SORCS2: variants seen among roughly 807,000 people sequenced by gnomAD.
SORCS2 encodes sortilin related VPS10 domain containing receptor 2.
In SORCS2, 100 loss-of-function variants were observed where a neutral mutation model predicts 141.6. That is an observed-to-expected ratio of 0.71 (90% CI 0.60 to 0.83). The LOEUF (loss-of-function observed/expected upper bound fraction) is 0.83, where lower values mean the gene tolerates loss of function less well. SORCS2 is among the 40% of genes least tolerant of loss of function. SORCS2 has a pLI of 0.00. For missense variants in SORCS2, 1,646 were observed against 1,560.2 expected, an observed-to-expected ratio of 1.05 and a Z score of -0.93; for synonymous variants, 789 against 676.9, an observed-to-expected ratio of 1.17 and a Z score of -2.57.
intron 2 of SORCS2, among the ~76,000 whole-genome samples, chr4:7,511,362 A>C (rs1270628230): frequency 1.8e-5 from 2 of 108,642 alleles, no homozygotes; most frequent in African/African-American, 5.7e-5. Flanking sequence ...AGAGAGAGAG[A>C]GAGTGAGAGG....
chr4:7,718,025 G>T lies in SORCS2; in HGVS notation c.2266G>T (p.Val756Leu). ...YTSSLGYRKV[V>L]SNVCEGGVDM... is the part of the protein sequence containing the mutation. ...TTGTCAATCCAGGTACCGGAAAGTG[G>T]TGTCCAACGTGTGTGAGGGTGGGGT... is the stretch of plus-strand genomic sequence containing the variant. The change falls in exon 18 of 27, where the codon GTG becomes TTG. Residue 756 changes from valine (V) to leucine (L), a missense_variant. Physicochemically the swap from Val to Leu is conservative, Grantham distance 32. Transcript: ENST00000507866. 3.7e-6 allele frequency: 6 copies of T among 1,605,390 alleles called. No homozygotes were observed. The highest frequency in any genetic ancestry group is 1.1e-5 in the South Asian group (1 of 89,664).
At chr4:7,269,127 C>T (rs1714940942) in intron 1 of SORCS2, among the ~76,000 whole-genome samples, 1 of 152,186 alleles carries the variant, frequency 6.6e-6, no homozygotes, top group South Asian at 2.1e-4. Flanking sequence ...CTGCCAGGCC[C>T]TGTGCTGTGC....
intron 1 of SORCS2, among the ~76,000 whole-genome samples, chr4:7,369,319 A>G (rs1722104388): frequency 6.6e-6 from 1 of 152,142 alleles, no homozygotes; most frequent in South Asian, 2.1e-4. Context: ...TGAAAACCAA[A>G]CCAAACCAAA....
At chr4:7,267,652 A>G (rs4689672) in intron 1 of SORCS2, among the ~76,000 whole-genome samples, 18,990 of 152,166 alleles carry the variant, frequency 0.12, 1,949 homozygotes, top group East Asian at 0.43. Flanking sequence ...CTAACATGGT[A>G]AAACCCCGTC....
chr4:7,389,406 C>T (rs565782062), intron 1 of SORCS2, among the ~76,000 whole-genome samples: 19 of 152,266 alleles, frequency 1.2e-4, no homozygotes, highest in African/African-American at 2.4e-4. Context: ...GGCCACTGCC[C>T]GTGGGCCCCA....
At chr4:7,506,017 G>A (rs1231435434) in intron 2 of SORCS2, among the ~76,000 whole-genome samples, 1 of 152,124 alleles carries the variant, frequency 6.6e-6, no homozygotes, top group Non-Finnish European at 1.5e-5. Context: ...ACGCATAGCC[G>A]TGCAGTAGCC....
chr4:7,320,138 A>T (rs34095119), intron 1 of SORCS2, among the ~76,000 whole-genome samples: 53,640 of 151,852 alleles, frequency 0.35, 9,817 homozygotes, highest in African/African-American at 0.44. Context: ...CTTTGTCTCT[A>T]CAAAAAAAAT....
At chr4:7,460,066 C>T (rs919616898) in intron 2 of SORCS2, 6 of 146,364 alleles carry the variant, frequency 4.1e-5, no homozygotes, top group Middle Eastern at 1.0e-3. Flanking sequence ...CGGGGCCTGG[C>T]GCTCCTCTAC....
At chr4:7,279,036 C>G (rs1715692449) in intron 1 of SORCS2, among the ~76,000 whole-genome samples, 2 of 152,094 alleles carry the variant, frequency 1.3e-5, no homozygotes, top group Non-Finnish European at 2.9e-5. Context: ...AAACGAATAC[C>G]CCACCCACCA....
In SORCS2 at chr4:7,584,061, C is replaced by T. The variant is rs538965571; in HGVS notation, c.648+52432C>T. The stretch of plus-strand genomic sequence containing the variant: ...AGATGATGCATGTGACTGTGTCTTG[C>T]GGACACTAACATAAGGTTTTATATG... On this transcript the variant is annotated intron_variant, in intron 3 of 26. Coordinates refer to ENST00000507866, the MANE Select transcript of SORCS2 (RefSeq NM_020777.3). Among the ~76,000 whole-genome samples, 18 of 152,330 alleles carry T rather than the reference C, an allele frequency of 1.2e-4. 1 individual carries two copies. The East Asian group carries it at 2.5e-3, about 21-fold the overall frequency.
intron 1 of SORCS2, among the ~76,000 whole-genome samples, chr4:7,243,716 C>G (rs1218665659): frequency 6.6e-6 from 1 of 152,250 alleles, no homozygotes; most frequent in Non-Finnish European, 1.5e-5. Context: ...ACAGCAAAGG[C>G]ACACTGAGCC....
intron 1 of SORCS2, among the ~76,000 whole-genome samples, chr4:7,220,714 G>T (rs1728651830): frequency 6.6e-6 from 1 of 152,092 alleles, no homozygotes; most frequent in South Asian, 2.1e-4. Flanking sequence ...GCCCCATTTT[G>T]CACGCTGTGG....
intron 1 of SORCS2, among the ~76,000 whole-genome samples, chr4:7,354,167 T>G (rs1721113540): frequency 6.6e-6 from 1 of 151,828 alleles, no homozygotes; most frequent in African/African-American, 2.4e-5. Flanking sequence ...TTGGAAAGAG[T>G]CCCTGGTTTC....
At chr4:7,334,197 G>A (rs1410677358) in intron 1 of SORCS2, among the ~76,000 whole-genome samples, 1 of 152,146 alleles carries the variant, frequency 6.6e-6, no homozygotes, top group African/African-American at 2.4e-5. Flanking sequence ...TTGGGTGCAG[G>A]GCTGGGCCTG....
intron 3 of SORCS2, among the ~76,000 whole-genome samples, chr4:7,555,578 G>A (rs1481691215): frequency 6.6e-6 from 1 of 152,224 alleles, no homozygotes; most frequent in Non-Finnish European, 1.5e-5. Context: ...GTCAGGGTTG[G>A]GTATCGGATG....
At chr4:7,733,454 T>G in intron 24 of SORCS2, 33 bp downstream of exon 24, 1 of 1,515,394 alleles carries the variant, frequency 6.6e-7, no homozygotes. Context: ...GCGGAATGGG[T>G]GGAGGAGGCA....
intron 1 of SORCS2, among the ~76,000 whole-genome samples, chr4:7,366,869 T>C (rs1450693852): frequency 6.6e-6 from 1 of 152,238 alleles, no homozygotes; most frequent in Non-Finnish European, 1.5e-5. Context: ...AGGAAGTCCT[T>C]GTTGAATGAA....
chr4:7,317,936 C>A (rs1225735646), intron 1 of SORCS2, among the ~76,000 whole-genome samples: 1 of 152,234 alleles, frequency 6.6e-6, no homozygotes, highest in Non-Finnish European at 1.5e-5. Flanking sequence ...GAAGTCCGAA[C>A]CCCTAGCACT....
intron 1 of SORCS2, among the ~76,000 whole-genome samples, chr4:7,304,554 T>C (rs1717654862): frequency 6.6e-6 from 1 of 152,238 alleles, no homozygotes; most frequent in South Asian, 2.1e-4. Flanking sequence ...TCTGGGCCTG[T>C]GAGAGCCAGG....
Sources: gnomAD v4.1 joint callset for allele counts (sites outside exome capture counted in the v4.1 genomes callset) on GRCh38, gnomAD v4.1.1 for gene constraint, MANE v1.5 for transcripts, NCBI Gene and HGNC (gene_info 2026-07-23, HGNC 2026-07-21) for gene names.